The following RAD54B variants were observed in gnomAD, a reference collection of about 807,000 sequenced individuals.
RAD54B encodes DNA repair and recombination protein RAD54B.
A neutral mutation model predicts 95.8 loss-of-function variants in RAD54B; 78 were observed. The observed-to-expected ratio is 0.81, with a 90% CI of 0.68 to 0.98. The LOEUF (loss-of-function observed/expected upper bound fraction) is 0.98. RAD54B is among the 50% of genes least tolerant of loss of function. RAD54B has a pLI of 0.00. For synonymous variants in RAD54B, 328 were observed against 354.9 expected (o/e 0.92, Z 0.85); for missense variants, 957 against 1,056.6 (o/e 0.91, Z 1.31).
chr8:94,472,328 T>A (rs1813190082), intron 1 of RAD54B, among the ~76,000 whole-genome samples: 1 of 152,178 alleles, frequency 6.6e-6, no homozygotes, highest in Non-Finnish European at 1.5e-5. Flanking sequence ...AATATATAAC[T>A]GACACAAGTT....
At chr8:94,461,795 A>C (rs980005009) in intron 2 of RAD54B, among the ~76,000 whole-genome samples, 8 of 152,154 alleles carry the variant, frequency 5.3e-5, no homozygotes, top group Non-Finnish European at 1.5e-5. Context: ...TTCGCCTCTA[A>C]ATACTTCAAG....
intron 3 of RAD54B, among the ~76,000 whole-genome samples, chr8:94,419,885 A>C (rs1025066255): frequency 6.6e-6 from 1 of 152,180 alleles, no homozygotes; most frequent in African/African-American, 2.4e-5. Context: ...CAAGGTTTTG[A>C]TCAACCACAG....
intron 4 of RAD54B, among the ~76,000 whole-genome samples, chr8:94,409,039 C>A (rs1009117705): frequency 2.0e-5 from 3 of 151,740 alleles, no homozygotes; most frequent in African/African-American, 4.8e-5. Context: ...TGATGGCCAA[C>A]TGAGCCTGAT....
chr8:94,432,361 G>A, intron 3 of RAD54B: 32 of 1,550,302 alleles, frequency 2.1e-5, no homozygotes, highest in Non-Finnish European at 2.5e-5. Flanking sequence ...GACCTAAAGT[G>A]TTCACCACTC....
At chr8:94,447,566 T>A (rs1812551944) in intron 3 of RAD54B, among the ~76,000 whole-genome samples, 1 of 152,154 alleles carries the variant, frequency 6.6e-6, no homozygotes. Context: ...AGGAAGGAGA[T>A]GAAAAGTATG....
intron 3 of RAD54B, among the ~76,000 whole-genome samples, chr8:94,449,090 T>C (rs897587647): frequency 6.6e-6 from 1 of 151,532 alleles, no homozygotes; most frequent in Non-Finnish European, 1.5e-5. Context: ...ATATCTCCCA[T>C]AACATCATGT....
At chr8:94,373,468 C>T (rs769770235) in intron 14 of RAD54B, among the ~76,000 whole-genome samples, 10 of 152,178 alleles carry the variant, frequency 6.6e-5, no homozygotes, top group Admixed American at 1.3e-4. Flanking sequence ...TCAAACTGAA[C>T]AATTTTCTAC....
chr8:94,437,223 T>C (rs904793042), intron 3 of RAD54B, among the ~76,000 whole-genome samples: 2 of 152,226 alleles, frequency 1.3e-5, no homozygotes, highest in Admixed American at 6.5e-5. Flanking sequence ...GAATATCAAA[T>C]TTCACACATG....
intron 10 of RAD54B, among the ~76,000 whole-genome samples, chr8:94,389,588 T>A (rs1308588821): frequency 2.0e-5 from 3 of 152,224 alleles, no homozygotes; most frequent in African/African-American, 7.2e-5. Context: ...AATTATGAGT[T>A]ATGATATTGT....
intron 7 of RAD54B, 121 bp downstream of exon 7, chr8:94,400,117 G>T: frequency 1.2e-6 from 1 of 846,346 alleles, no homozygotes; most frequent in Non-Finnish European, 1.8e-6. Flanking sequence ...AAACCAAAAT[G>T]TAAGCTAAAA....
chr8:94,379,716 G>T (rs977596845), intron 12 of RAD54B, among the ~76,000 whole-genome samples: 2 of 152,090 alleles, frequency 1.3e-5, no homozygotes, highest in African/African-American at 4.8e-5. Context: ...AAAACCAAAG[G>T]CTTCTCAAAC....
rs550204050 is a variant in RAD54B at position 94,400,933 on chromosome 8, T to C, written c.945-470A>G. Among the ~76,000 whole-genome samples, 25 of 152,266 alleles carry C rather than the reference T, an allele frequency of 1.6e-4. No homozygotes were observed. The South Asian group carries it at 2.3e-3, about 14-fold the overall frequency. On this transcript the variant is annotated intron_variant, in intron 6 of 14. Coordinates refer to ENST00000336148, the MANE Select transcript of RAD54B (RefSeq NM_012415.3). Reference sequence around the variant, plus strand: ...TCCTCAACAAAAATAGCTCCCTGCATCATAAAAAAATTAAACACTAAACAC... The same window carrying C: ...TCCTCAACAAAAATAGCTCCCTGCACCATAAAAAAATTAAACACTAAACAC...
At chr8:94,416,194 T>C (rs1811660158) in intron 3 of RAD54B, among the ~76,000 whole-genome samples, 1 of 151,512 alleles carries the variant, frequency 6.6e-6, no homozygotes, top group Admixed American at 6.6e-5. Flanking sequence ...CCATAAAAAA[T>C]GATGAGTTCA....
intron 3 of RAD54B, among the ~76,000 whole-genome samples, chr8:94,451,654 C>T (rs1812657995): frequency 6.6e-6 from 1 of 151,948 alleles, no homozygotes. Context: ...GAACTATTTC[C>T]GTGATATTTC....
At position 94,458,460 on chromosome 8, in the gene RAD54B, A is replaced by C. The variant is rs779309240; in HGVS notation, c.136-24T>G. The stretch of plus-strand genomic sequence containing the variant: ...CCCTAAAAGAAACAAATATATATTT[A>C]AATCAGAACTCAAACCTAATTTTCT... On this transcript the variant is annotated intron_variant, in intron 2 of 14. Coordinates refer to ENST00000336148, the MANE Select transcript of RAD54B (RefSeq NM_012415.3). 2.1e-5 allele frequency: 32 copies of C among 1,505,964 alleles called. No individual in the cohort carries two copies. In the East Asian group the frequency reaches 7.3e-4, roughly 35 times the overall value. 93.3% of individuals were successfully genotyped at this position (1,505,964 alleles called of 1,614,324 possible).
chr8:94,443,536 A>G (rs1812450100), intron 3 of RAD54B, among the ~76,000 whole-genome samples: 1 of 152,096 alleles, frequency 6.6e-6, no homozygotes, highest in Admixed American at 6.6e-5. Context: ...AAAAAAAAAA[A>G]AATCACTCCT....
At chr8:94,459,046 TA>T (rs1563665006) in intron 2 of RAD54B, among the ~76,000 whole-genome samples, 1 of 152,192 alleles carries the variant, frequency 6.6e-6, no homozygotes, top group Non-Finnish European at 1.5e-5. Context: ...ATTCTCATAA[TA>T]AAATGCTCTT....
intron 3 of RAD54B, among the ~76,000 whole-genome samples, chr8:94,448,832 G>A (rs765985060): frequency 2.0e-5 from 3 of 152,072 alleles, no homozygotes; most frequent in South Asian, 2.1e-4. Flanking sequence ...GGATATGTAC[G>A]ATGAACAAGT....
chr8:94,377,745 G>A (rs1259012752), intron 14 of RAD54B, among the ~76,000 whole-genome samples: 17 of 151,068 alleles, frequency 1.1e-4, no homozygotes, highest in Non-Finnish European at 2.2e-4. Flanking sequence ...GGGAGGCCGA[G>A]GCGGGCGGAT....
Sources: gnomAD v4.1 joint callset for allele counts (sites outside exome capture counted in the v4.1 genomes callset) on GRCh38, gnomAD v4.1.1 for gene constraint, MANE v1.5 for transcripts, NCBI Gene and HGNC (gene_info 2026-07-23, HGNC 2026-07-21) for gene names.